Variants in SEPTIN7 observed in about 807,000 individuals in gnomAD.
The protein encoded by SEPTIN7 is septin-7.
In SEPTIN7, 10 loss-of-function variants were observed where a neutral mutation model predicts 63.3. That is an observed-to-expected ratio of 0.16 (90% CI 0.10 to 0.27). The LOEUF is 0.27. Ranked by LOEUF, SEPTIN7 falls within the 10% of genes least tolerant of loss-of-function variation. The pLI is 1.00. For missense variants in SEPTIN7, 310 were observed against 521.0 expected, an observed-to-expected ratio of 0.59 and a Z score of 3.94; for synonymous variants, 131 against 165.3, an observed-to-expected ratio of 0.79 and a Z score of 1.59.
intron 7 of SEPTIN7, among the ~76,000 whole-genome samples, chr7:35,882,083 C>T (rs1435992300): frequency 6.6e-6 from 1 of 151,894 alleles, no homozygotes; most frequent in Non-Finnish European, 1.5e-5. Flanking sequence ...GAGTTTAGCC[C>T]TGTTTATTCA....
chr7:35,817,847 T>C (rs1789175118), intron 1 of SEPTIN7, among the ~76,000 whole-genome samples: 1 of 152,048 alleles, frequency 6.6e-6, no homozygotes, highest in African/African-American at 2.4e-5. Context: ...TTGATTTTTG[T>C]ATATTGATCT....
At chr7:35,868,743 T>C (rs1785968604) in intron 4 of SEPTIN7, among the ~76,000 whole-genome samples, 1 of 152,128 alleles carries the variant, frequency 6.6e-6, no homozygotes, top group Non-Finnish European at 1.5e-5. Context: ...AGATTGACGA[T>C]AGAGGGGAAA....
intron 3 of SEPTIN7, among the ~76,000 whole-genome samples, chr7:35,836,463 A>G (rs1410428022): frequency 7.9e-5 from 12 of 152,174 alleles, no homozygotes; most frequent in Non-Finnish European, 1.5e-4. Context: ...AATTTTTGTG[A>G]TAACAGAATT....
chr7:35,868,349 GT>G (rs1319036684), intron 4 of SEPTIN7, among the ~76,000 whole-genome samples: 1 of 152,150 alleles, frequency 6.6e-6, no homozygotes, highest in Non-Finnish European at 1.5e-5. Flanking sequence ...AGTTTTGATA[GT>G]TTTTGAGCCA....
intron 11 of SEPTIN7, among the ~76,000 whole-genome samples, chr7:35,897,951 C>T (rs1169239821): frequency 1.3e-5 from 2 of 151,352 alleles, no homozygotes; most frequent in Non-Finnish European, 2.9e-5. Context: ...TTATTTTCTT[C>T]TAATGTTTCA....
At chr7:35,892,415 A>C (rs890384793) in intron 11 of SEPTIN7, among the ~76,000 whole-genome samples, 9 of 152,144 alleles carry the variant, frequency 5.9e-5, no homozygotes, top group Non-Finnish European at 1.3e-4. Context: ...ATTGTTCATA[A>C]AATCCTAATT....
chr7:35,836,856 T>G (rs529971853), intron 3 of SEPTIN7, among the ~76,000 whole-genome samples: 1 of 152,300 alleles, frequency 6.6e-6, no homozygotes, highest in African/African-American at 2.4e-5. Flanking sequence ...ATATGTTAAT[T>G]CCGTGAAATG....
downstream of SEPTIN7, among the ~76,000 whole-genome samples, chr7:35,907,783 C>G (rs957486668): frequency 1.3e-5 from 2 of 152,196 alleles, no homozygotes; most frequent in African/African-American, 4.8e-5. Context: ...CTAATTGTCT[C>G]AGTTTAGACC....
At chr7:35,912,313 A>C in the SEPTIN7 span, among the ~76,000 whole-genome samples, 1 of 152,220 alleles carries the variant, frequency 6.6e-6, no homozygotes, top group African/African-American at 2.4e-5. Context: ...TTAAACCACA[A>C]ACAATAGCAT....
chr7:35,895,107 T>C (rs1175475566), intron 11 of SEPTIN7, among the ~76,000 whole-genome samples: 2 of 152,178 alleles, frequency 1.3e-5, no homozygotes, highest in African/African-American at 4.8e-5. Flanking sequence ...GCTTTACTAC[T>C]ATATGGGGGT....
rs1267218884 is a variant in SEPTIN7, at chr7:35,855,556, A to G, written c.170-7996A>G. Among the ~76,000 whole-genome samples, 5 of 152,202 alleles carry G rather than the reference A, an allele frequency of 3.3e-5. 1 individual carries two copies. The highest frequency in any genetic ancestry group is 2.0e-4 in the Admixed American group (3 of 15,274). ...TATTTTAAGCATGAGTTTTTCTCCA[A>G]ATACTTTAGTCAGATCTCTTAGATT... On this transcript the variant is annotated intron_variant, in intron 3 of 13. Transcript: ENST00000350320.
intron 6 of SEPTIN7, among the ~76,000 whole-genome samples, chr7:35,876,304 T>G (rs545975068): frequency 1.2e-3 from 176 of 152,288 alleles, no homozygotes; most frequent in African/African-American, 4.0e-3. Flanking sequence ...TAAATGCCCT[T>G]AAGATTTATT....
intron 3 of SEPTIN7, among the ~76,000 whole-genome samples, chr7:35,855,423 T>C (rs1245195313): frequency 6.6e-6 from 1 of 152,186 alleles, no homozygotes; most frequent in African/African-American, 2.4e-5. Flanking sequence ...TCAAAAGGCA[T>C]GTAGATTTAA....
rs564450869 is a variant in SEPTIN7, at chr7:35,801,129, A to G, written c.-81A>G. The G allele has an allele frequency of 1.3e-5, 16 of 1,199,424 alleles. No homozygotes were observed. The East Asian group carries it at 2.2e-4, about 17-fold the overall frequency. 74.3% of individuals were successfully genotyped at this position (1,199,424 alleles called of 1,614,324 possible). A position where few individuals can be genotyped will look rare whatever the true frequency, so the allele number is the denominator to read the frequency against. On this transcript the variant is annotated 5_prime_UTR_variant, in exon 1 of 14. Transcript: ENST00000350320. ...AGCAAGGCAGCTACGCCGGGCGGCT[A>G]CGCTGCGGAATCGGCGTAGGCGCCT... is the stretch of plus-strand genomic sequence containing the variant.
chr7:35,894,039 T>C (rs929680615), intron 11 of SEPTIN7, among the ~76,000 whole-genome samples: 1 of 152,030 alleles, frequency 6.6e-6, no homozygotes. Context: ...CAGCAAGGGT[T>C]TGTAAAGGAA....
intron 1 of SEPTIN7, among the ~76,000 whole-genome samples, chr7:35,811,748 G>T (rs1328328739): frequency 1.3e-5 from 2 of 152,146 alleles, no homozygotes; most frequent in Non-Finnish European, 2.9e-5. Flanking sequence ...TTAAGGCTGG[G>T]CGCGGTGGCT....
At chr7:35,886,013 T>A in intron 10 of SEPTIN7, 134 bp downstream of exon 10, 1 of 618,266 alleles carries the variant, frequency 1.6e-6, no homozygotes, top group Non-Finnish European at 2.8e-6. Flanking sequence ...AAGTAAACAC[T>A]ACATATAGAT....
chr7:35,846,408 G>A (rs1490234481), intron 3 of SEPTIN7, among the ~76,000 whole-genome samples: 1 of 152,174 alleles, frequency 6.6e-6, no homozygotes, highest in Non-Finnish European at 1.5e-5. Context: ...GGTAAAGGAT[G>A]TTAACTGAAA....
At chr7:35,849,183 CTT>C (rs1325999578) in intron 3 of SEPTIN7, among the ~76,000 whole-genome samples, 1 of 152,090 alleles carries the variant, frequency 6.6e-6, no homozygotes, top group Non-Finnish European at 1.5e-5. Flanking sequence ...ATGGAATTGT[CTT>C]ATAGTAAATT....
Sources: gnomAD v4.1 joint callset for allele counts (sites outside exome capture counted in the v4.1 genomes callset) on GRCh38, gnomAD v4.1.1 for gene constraint, MANE v1.5 for transcripts, NCBI Gene and HGNC (gene_info 2026-07-23, HGNC 2026-07-21) for gene names.